The following NRG1 variants were observed in gnomAD, a reference collection of about 807,000 sequenced individuals.
NRG1 encodes pro-neuregulin-1, membrane-bound isoform.
NRG1 carries 18 observed loss-of-function variants against 63.8 expected under a neutral mutation model. That is an observed-to-expected ratio of 0.28 (90% CI 0.19 to 0.42). NRG1 has a LOEUF of 0.42. Ranked by LOEUF, NRG1 falls within the 10% of genes least tolerant of loss-of-function variation. The pLI, the probability that NRG1 is intolerant of heterozygous loss-of-function variation, is 1.00. For synonymous variants in NRG1, 302 were observed against 301.3 expected (o/e 1.00, Z -0.02); for missense variants, 762 against 814.7 (o/e 0.94, Z 0.79).
At chr8:32,066,225 C>T (rs1586850457) in intron 1 of NRG1, among the ~76,000 whole-genome samples, 1 of 152,256 alleles carries the variant, frequency 6.6e-6, no homozygotes, top group Middle Eastern at 3.4e-3. Flanking sequence ...CCTTTGTTGC[C>T]ATTGCTTCTG....
intron 1 of NRG1, among the ~76,000 whole-genome samples, chr8:31,819,452 C>T (rs1436352553): frequency 2.0e-5 from 3 of 152,124 alleles, no homozygotes; most frequent in African/African-American, 4.8e-5. Flanking sequence ...TTTAAAATAA[C>T]ATACATTTTA....
At chr8:32,545,498 A>G (rs1393433719), upstream of NRG1, among the ~76,000 whole-genome samples, 1 of 151,922 alleles carries the variant, frequency 6.6e-6, no homozygotes, top group Non-Finnish European at 1.5e-5. Flanking sequence ...AAGCAAAAAT[A>G]TTCTTCCTCT....
chr8:31,947,054 C>A (rs866589800), intron 1 of NRG1, among the ~76,000 whole-genome samples: 21 of 150,968 alleles, frequency 1.4e-4, no homozygotes, highest in Non-Finnish European at 2.4e-4. Flanking sequence ...TAATCCCAGC[C>A]CTTTGGGAGG....
intron 1 of NRG1, among the ~76,000 whole-genome samples, chr8:32,469,431 CT>C (rs1197506456): frequency 1.3e-5 from 2 of 152,102 alleles, no homozygotes; most frequent in African/African-American, 4.8e-5. Flanking sequence ...AAAGTGAAAG[CT>C]TGTGCTGTTC....
intron 1 of NRG1, among the ~76,000 whole-genome samples, chr8:32,273,439 T>C (rs1851755899): frequency 1.3e-5 from 2 of 152,340 alleles, no homozygotes; most frequent in South Asian, 4.1e-4. Context: ...TTGTTTATTC[T>C]TATTTGTTGT....
At chr8:32,361,758 G>T (rs1807242076) in intron 1 of NRG1, among the ~76,000 whole-genome samples, 1 of 152,162 alleles carries the variant, frequency 6.6e-6, no homozygotes, top group Admixed American at 6.5e-5. Context: ...CCAGGCTTAG[G>T]TTCAAATCCA....
chr8:31,917,002 T>C lies in NRG1; in HGVS notation c.37+277571T>C, dbSNP rs371054926. ...GTGTTTTTTGGCTGCATAAATGTCT[T>C]CTTTTGAGAAGTGTCTGTTCATGTC... On this transcript the variant is annotated intron_variant, in intron 1 of 10. Coordinates refer to the NRG1 transcript ENST00000519301. 3.5e-4 allele frequency among the ~76,000 whole-genome samples: 53 copies of C among 152,104 alleles called. 1 individual carries two copies. The East Asian group carries it at 7.7e-3, about 22-fold the overall frequency.
chr8:32,145,279 CAGAAGCAATTG>C (rs1449895370), intron 1 of NRG1, among the ~76,000 whole-genome samples: 1 of 152,104 alleles, frequency 6.6e-6, no homozygotes, highest in Non-Finnish European at 1.5e-5. Flanking sequence ...ATACCTGAAC[CAGAAGCAATTG>C]AGTATTTAGG....
At chr8:32,322,355 T>TTTATATATATATATATA (rs1554507854) in intron 1 of NRG1, among the ~76,000 whole-genome samples, 5 of 142,656 alleles carry the variant, frequency 3.5e-5, no homozygotes, top group African/African-American at 1.3e-4. Flanking sequence ...CAACCTTATT[T>TTTATATATATATATATA]TATATATATA....
chr8:31,745,233 C>G (rs565230182), intron 1 of NRG1, among the ~76,000 whole-genome samples: 2 of 151,982 alleles, frequency 1.3e-5, no homozygotes, highest in East Asian at 3.9e-4. Flanking sequence ...GGGAAGGCTT[C>G]AAGGATAAAT....
intron 1 of NRG1, among the ~76,000 whole-genome samples, chr8:32,000,670 C>T (rs1812780144): frequency 6.6e-6 from 1 of 151,972 alleles, no homozygotes; most frequent in South Asian, 2.1e-4. Flanking sequence ...GTCTCCTTTC[C>T]TACTTTGTTT....
chr8:32,174,072 T>C (rs984525453), intron 1 of NRG1, among the ~76,000 whole-genome samples: 10 of 152,252 alleles, frequency 6.6e-5, no homozygotes, highest in East Asian at 1.9e-4. Context: ...TATTCCAAAA[T>C]TGACCACATA....
exon 12 of NRG1, chr8:32,767,375 G>T (rs1831507631): frequency 1.3e-5 from 2 of 152,114 alleles, no homozygotes; most frequent in Non-Finnish European, 1.5e-5. Context: ...GGAAGGCCTG[G>T]TCTTATCTTG....
chr8:32,633,775 G>T (rs1277416688), intron 5 of NRG1, among the ~76,000 whole-genome samples: 1 of 152,032 alleles, frequency 6.6e-6, no homozygotes, highest in African/African-American at 2.4e-5. Flanking sequence ...TCTCAGTCTT[G>T]GGTAGGTCCT....
intron 1 of NRG1, among the ~76,000 whole-genome samples, chr8:32,222,676 C>T (rs1267602267): frequency 6.6e-6 from 1 of 152,096 alleles, no homozygotes; most frequent in Non-Finnish European, 1.5e-5. Flanking sequence ...CTTAATTTTT[C>T]CCCCACTGTC....
Position 31,867,818 on chromosome 8 carries a change from G to C in NRG1, c.37+228387G>C, listed in dbSNP as rs114898363. On this transcript the variant is annotated intron_variant, in intron 1 of 10. Coordinates refer to the NRG1 transcript ENST00000519301. ...TCCAAAATTTTAAATTCTAATCCAA[G>C]ACCTTAGATAAATTAGGGAATTAGG... Among the ~76,000 whole-genome samples, 1,494 of 152,162 alleles carry C rather than the reference G, an allele frequency of 9.8e-3. 25 individuals are homozygous for C. The highest frequency in any genetic ancestry group is 0.035 in the African/African-American group (1,436 of 41,522).
intron 1 of NRG1, among the ~76,000 whole-genome samples, chr8:31,643,105 A>G (rs1803961371): frequency 6.6e-6 from 1 of 152,096 alleles, no homozygotes; most frequent in Admixed American, 6.5e-5. Context: ...GAAAAGAGAG[A>G]GAGAGAGAGA....
chr8:32,266,912 G>C (rs1563250589), intron 1 of NRG1, among the ~76,000 whole-genome samples: 2 of 151,532 alleles, frequency 1.3e-5, no homozygotes, highest in Non-Finnish European at 2.9e-5. Flanking sequence ...AGCCAGACGT[G>C]GTGGCACATG....
At chr8:32,726,804 A>G (rs1243409409) in intron 5 of NRG1, among the ~76,000 whole-genome samples, 2 of 152,204 alleles carry the variant, frequency 1.3e-5, no homozygotes, top group East Asian at 3.9e-4. Context: ...TGAAACTCAC[A>G]TGCAAATAAT....
Sources: allele counts gnomAD v4.1 joint callset (sites outside exome capture counted in the v4.1 genomes callset), GRCh38; gene constraint gnomAD v4.1.1; transcripts MANE v1.5; gene names NCBI Gene and HGNC (gene_info 2026-07-23, HGNC 2026-07-21).